The following MARCHF1 variants were observed in gnomAD, a reference collection of about 807,000 sequenced individuals.
MARCHF1 encodes the protein E3 ubiquitin-protein ligase MARCHF1.
MARCHF1 carries 40 observed loss-of-function variants against 54.2 expected under a neutral mutation model. The observed-to-expected ratio is 0.74, with a 90% CI of 0.57 to 0.96. The LOEUF (loss-of-function observed/expected upper bound fraction) is 0.96. Ranked by LOEUF, MARCHF1 falls within the 40% of genes least tolerant of loss-of-function variation. MARCHF1 has a pLI of 0.00. For missense variants in MARCHF1, 586 were observed against 656.5 expected, an observed-to-expected ratio of 0.89 and a Z score of 1.17; for synonymous variants, 236 against 236.3, an observed-to-expected ratio of 1.00 and a Z score of 0.01.
chr4:164,101,737 C>G (rs992600986), intron 2 of MARCHF1, among the ~76,000 whole-genome samples: 2 of 143,962 alleles, frequency 1.4e-5, no homozygotes, highest in African/African-American at 5.1e-5. Flanking sequence ...CAGTTCCTCA[C>G]CAGCAAGGGA....
At chr4:164,036,224 C>G (rs1753999308) in intron 2 of MARCHF1, among the ~76,000 whole-genome samples, 2 of 151,800 alleles carry the variant, frequency 1.3e-5, no homozygotes, top group African/African-American at 2.4e-5. Context: ...TAATGAAGTT[C>G]TGGGAGTGTA....
chr4:163,978,828 C>A (rs569804432), intron 3 of MARCHF1, among the ~76,000 whole-genome samples: 1 of 152,060 alleles, frequency 6.6e-6, no homozygotes, highest in Admixed American at 6.5e-5. Flanking sequence ...CTCAAGCAAG[C>A]CTCCAATCTC....
At chr4:163,600,059 C>G (rs1349658263) in intron 7 of MARCHF1, among the ~76,000 whole-genome samples, 1 of 152,096 alleles carries the variant, frequency 6.6e-6, no homozygotes, top group Non-Finnish European at 1.5e-5. Flanking sequence ...CCCCAGGCTT[C>G]TTTTCTGGTG....
chr4:163,567,829 T>C (rs969048895), intron 8 of MARCHF1, among the ~76,000 whole-genome samples: 1 of 152,156 alleles, frequency 6.6e-6, no homozygotes, highest in Non-Finnish European at 1.5e-5. Context: ...ATTTTTTTTT[T>C]ATTTTTATTT....
chr4:163,940,987 G>T (rs192242643), intron 3 of MARCHF1, among the ~76,000 whole-genome samples: 1 of 152,134 alleles, frequency 6.6e-6, no homozygotes, highest in East Asian at 1.9e-4. Context: ...GAGACATAGA[G>T]GTATAAGGTA....
chr4:163,707,515 A>T (rs1481709608), intron 4 of MARCHF1, among the ~76,000 whole-genome samples: 2 of 152,048 alleles, frequency 1.3e-5, no homozygotes, highest in East Asian at 3.9e-4. Flanking sequence ...GCAACAAGAC[A>T]TCACTTTTTA....
At chr4:164,065,523 A>G (rs1754708295) in intron 2 of MARCHF1, among the ~76,000 whole-genome samples, 1 of 152,152 alleles carries the variant, frequency 6.6e-6, no homozygotes, top group Admixed American at 6.5e-5. Context: ...ATGGAGGAGG[A>G]TTTTTGCAAA....
intron 2 of MARCHF1, among the ~76,000 whole-genome samples, chr4:164,019,180 T>C (rs1297474551): frequency 6.6e-6 from 1 of 152,160 alleles, no homozygotes; most frequent in Non-Finnish European, 1.5e-5. Flanking sequence ...GTTTCTTACA[T>C]TTCCAACAGT....
intron 1 of MARCHF1, chr4:164,189,378 G>A: frequency 1.5e-6 from 1 of 652,398 alleles, no homozygotes; most frequent in Non-Finnish European, 2.8e-6. Flanking sequence ...ACATGGATCT[G>A]TTCTGGTCTA....
chr4:163,558,271 A>G (rs1739356399), intron 8 of MARCHF1, among the ~76,000 whole-genome samples: 1 of 152,228 alleles, frequency 6.6e-6, no homozygotes, highest in Admixed American at 6.5e-5. Flanking sequence ...TGTTCTTCCC[A>G]GATTTCCTTC....
intron 1 of MARCHF1, among the ~76,000 whole-genome samples, chr4:164,145,435 C>T (rs1729654657): frequency 6.6e-6 from 1 of 151,982 alleles, no homozygotes. Flanking sequence ...ATAATACTGG[C>T]AAAACGAATC....
chr4:163,612,624 T>C lies in MARCHF1; in HGVS notation c.657A>G (p.Gln219=). The part of the protein sequence containing the change: ...LVDLGSKGKE[Q]QELIECESCS... ...AACTCTCACATTCAATCAGCTCTTG[T>C]TGCTCTTTACCTTTGGATCCCAGAT... The change falls in exon 7 of 10, where the codon CAA becomes CAG. Residue 219 remains glutamine, a synonymous_variant. Transcript: ENST00000514618. The C allele has an allele frequency of 2.6e-6, 4 of 1,535,606 alleles. No individual in the cohort carries two copies. The highest frequency in any genetic ancestry group is 1.2e-5 in the South Asian group (1 of 84,054).
In MARCHF1 at chr4:164,268,457, C is replaced by G. The variant is rs187351062; in HGVS notation, c.-323+115413G>C. Among the ~76,000 whole-genome samples, 21 of 152,258 alleles carry G rather than the reference C, an allele frequency of 1.4e-4. No individual in the cohort carries two copies. The East Asian group carries it at 4.1e-3, about 29-fold the overall frequency. ...GACAGATGTGATGGCTTGCAGAATT[C>G]TTTATGAGCTCCCACTGTCCATCTG... On this transcript the variant is annotated intron_variant, in intron 1 of 9. Transcript: ENST00000514618.
At chr4:163,887,498 C>A (rs1358812226) in intron 3 of MARCHF1, among the ~76,000 whole-genome samples, 1 of 152,074 alleles carries the variant, frequency 6.6e-6, no homozygotes, top group Non-Finnish European at 1.5e-5. Context: ...TCACCCAGAA[C>A]CTGTTAGAGA....
chr4:164,251,594 A>G (rs1414426257), intron 1 of MARCHF1, among the ~76,000 whole-genome samples: 1 of 152,206 alleles, frequency 6.6e-6, no homozygotes, highest in Non-Finnish European at 1.5e-5. Flanking sequence ...CACTCTAGGT[A>G]CTAGGATGAT....
chr4:163,696,862 TTC>T (rs1168751105), intron 5 of MARCHF1, among the ~76,000 whole-genome samples: 2 of 152,154 alleles, frequency 1.3e-5, no homozygotes, highest in African/African-American at 4.8e-5. Flanking sequence ...TTCCCATAGC[TTC>T]TGTCTATACT....
At chr4:163,664,181 CTA>C (rs1330109989) in intron 5 of MARCHF1, among the ~76,000 whole-genome samples, 7 of 152,056 alleles carry the variant, frequency 4.6e-5, no homozygotes, top group Non-Finnish European at 1.0e-4. Flanking sequence ...AAGACCATCT[CTA>C]TTTGCCTTTT....
intron 5 of MARCHF1, among the ~76,000 whole-genome samples, chr4:163,653,901 T>C (rs1425226856): frequency 6.6e-6 from 1 of 151,786 alleles, no homozygotes. Flanking sequence ...ATTATATAAA[T>C]GGTGTTTTAA....
intron 1 of MARCHF1, among the ~76,000 whole-genome samples, chr4:164,138,477 G>A (rs970573743): frequency 2.0e-5 from 3 of 152,170 alleles, no homozygotes; most frequent in Non-Finnish European, 2.9e-5. Context: ...CTTCCAAGAA[G>A]TAGGGCCTGG....
Sources: allele counts gnomAD v4.1 joint callset (sites outside exome capture counted in the v4.1 genomes callset), GRCh38; gene constraint gnomAD v4.1.1; transcripts MANE v1.5; gene names NCBI Gene and HGNC (gene_info 2026-07-23, HGNC 2026-07-21).